The following TMTC2 variants were observed in gnomAD, a reference collection of about 807,000 sequenced individuals.
TMTC2 encodes transmembrane O-mannosyltransferase targeting cadherins 2.
Under a neutral mutation model 82.4 loss-of-function variants are expected in TMTC2, and 43 were observed. The observed-to-expected ratio is 0.52, with a 90% CI of 0.41 to 0.67. The LOEUF is 0.67. Among genes scored for constraint, TMTC2 ranks in the 30% least tolerant of loss-of-function variants. The probability of loss-of-function intolerance (pLI) is 0.00; values close to 1 mark genes in which losing one functional copy is unlikely to be tolerated. For missense variants in TMTC2, 919 were observed against 1,012.4 expected (o/e 0.91, Z 1.25); for synonymous variants, 408 against 381.9 (o/e 1.07, Z -0.80).
intron 1 of TMTC2, among the ~76,000 whole-genome samples, chr12:82,741,822 A>G (rs1875423782): frequency 6.6e-6 from 1 of 152,122 alleles, no homozygotes; most frequent in Non-Finnish European, 1.5e-5. Context: ...GACACTGGGT[A>G]GTGGGGAAGA....
chr12:82,979,418 A>G (rs1057080980), intron 7 of TMTC2, among the ~76,000 whole-genome samples: 13 of 151,736 alleles, frequency 8.6e-5, no homozygotes, highest in African/African-American at 1.7e-4. Context: ...ATGACAACTT[A>G]TCACTGAGAG....
intron 8 of TMTC2, among the ~76,000 whole-genome samples, chr12:82,988,501 G>C (rs575419127): frequency 6.6e-5 from 10 of 152,162 alleles, no homozygotes; most frequent in African/African-American, 2.4e-4. Context: ...CAAGGGAAAG[G>C]GGCCCTTAAG....
chr12:82,879,037 A>G (rs1872703922), intron 2 of TMTC2, among the ~76,000 whole-genome samples: 1 of 152,176 alleles, frequency 6.6e-6, no homozygotes. Context: ...TGCAAAATAA[A>G]CATTGAGGAG....
intron 10 of TMTC2, among the ~76,000 whole-genome samples, chr12:83,061,057 A>G (rs1459856654): frequency 1.3e-5 from 2 of 151,786 alleles, no homozygotes; most frequent in African/African-American, 2.4e-5. Context: ...AGTGAGATAT[A>G]CAAAAGCAGT....
chr12:83,133,996 TTA>T lies in TMTC2; in HGVS notation c.*1609_*1610del, dbSNP rs1885352561. 6.6e-6 allele frequency: 1 copy of T among 152,638 alleles called. No homozygotes were observed. The highest frequency in any genetic ancestry group is 2.1e-4 in the South Asian group (1 of 4,832). 9.5% of individuals were successfully genotyped at this position (152,638 alleles called of 1,614,324 possible). A position where few individuals can be genotyped will look rare whatever the true frequency, so the allele number is the denominator to read the frequency against. On this transcript the variant is annotated 3_prime_UTR_variant, in exon 12 of 12. Transcript: ENST00000321196. Reference sequence around the variant, plus strand: ...CATCATATTATGTTTTCTCCATATTTTATGTTTTTCTATGTATCTGAATACAG... The same window carrying T: ...CATCATATTATGTTTTCTCCATATTTTGTTTTTCTATGTATCTGAATACAG...
intron 8 of TMTC2, among the ~76,000 whole-genome samples, chr12:82,986,936 G>A (rs1346912500): frequency 6.6e-6 from 1 of 152,050 alleles, no homozygotes; most frequent in Non-Finnish European, 1.5e-5. Context: ...TCAAATATCT[G>A]TATTATTTTA....
chr12:82,690,588 A>G (rs1872531137), intron 1 of TMTC2, among the ~76,000 whole-genome samples: 1 of 152,248 alleles, frequency 6.6e-6, no homozygotes, highest in South Asian at 2.1e-4. Context: ...TTAATATTTT[A>G]CAAGTGTTTC....
chr12:82,831,670 T>C (rs1172315182), intron 1 of TMTC2, among the ~76,000 whole-genome samples: 3 of 151,974 alleles, frequency 2.0e-5, no homozygotes, highest in African/African-American at 7.3e-5. Context: ...AATCAGATTA[T>C]TGGTGGTGGT....
At chr12:82,725,519 G>A (rs1381328419) in intron 1 of TMTC2, among the ~76,000 whole-genome samples, 1 of 152,152 alleles carries the variant, frequency 6.6e-6, no homozygotes, top group Non-Finnish European at 1.5e-5. Flanking sequence ...TGTTAATGGT[G>A]CACACTATCA....
chr12:82,753,350 A>G (rs1048667382), intron 1 of TMTC2, among the ~76,000 whole-genome samples: 3 of 148,422 alleles, frequency 2.0e-5, no homozygotes, highest in African/African-American at 7.5e-5. Context: ...TTTGAGGAGA[A>G]GTTTTCTGGT....
intron 11 of TMTC2, among the ~76,000 whole-genome samples, chr12:83,100,457 A>T (rs1252369188): frequency 6.6e-6 from 1 of 152,236 alleles, no homozygotes; most frequent in African/African-American, 2.4e-5. Context: ...TAATTTTTCC[A>T]AAGTCACAGA....
At chr12:82,873,844 C>G (rs758793405) in intron 2 of TMTC2, among the ~76,000 whole-genome samples, 1 of 152,112 alleles carries the variant, frequency 6.6e-6, no homozygotes, top group Non-Finnish European at 1.5e-5. Context: ...CATTTTCAGA[C>G]AAACCAAACA....
intron 1 of TMTC2, among the ~76,000 whole-genome samples, chr12:82,693,055 A>T (rs953899818): frequency 3.9e-5 from 6 of 152,202 alleles, no homozygotes; most frequent in African/African-American, 1.4e-4. Context: ...CAACTACAGC[A>T]CTGCTTACCT....
intron 1 of TMTC2, among the ~76,000 whole-genome samples, chr12:82,831,129 C>T (rs1869723863): frequency 6.6e-6 from 1 of 152,126 alleles, no homozygotes. Flanking sequence ...TTTAACAAAA[C>T]CCAGGATATT....
chr12:83,012,281 A>T (rs938123918), intron 8 of TMTC2, among the ~76,000 whole-genome samples: 4 of 152,192 alleles, frequency 2.6e-5, no homozygotes, highest in Non-Finnish European at 5.9e-5. Context: ...TGAGAGAAGA[A>T]AAAAATAAAT....
chr12:83,083,272 G>A (rs1324243367), intron 11 of TMTC2, among the ~76,000 whole-genome samples: 3 of 152,156 alleles, frequency 2.0e-5, no homozygotes, highest in Non-Finnish European at 2.9e-5. Context: ...GGCATTATCT[G>A]TCTCTGGTTC....
At chr12:82,972,434 C>T (rs1878491888) in intron 7 of TMTC2, among the ~76,000 whole-genome samples, 1 of 151,950 alleles carries the variant, frequency 6.6e-6, no homozygotes, top group Non-Finnish European at 1.5e-5. Context: ...TAAAGAGGAA[C>T]ATTTTGATTT....
At chr12:83,093,002 T>TA (rs1883894404) in intron 11 of TMTC2, among the ~76,000 whole-genome samples, 2 of 152,210 alleles carry the variant, frequency 1.3e-5, no homozygotes, top group African/African-American at 4.8e-5. Flanking sequence ...GTCAAAGGGC[T>TA]CGCTCTCCAA....
chr12:82,845,312 C>A (rs533523993), intron 1 of TMTC2, among the ~76,000 whole-genome samples: 2 of 135,548 alleles, frequency 1.5e-5, no homozygotes. Flanking sequence ...ACAAATACCA[C>A]AAATCCTCAA....
Sources: allele counts gnomAD v4.1 joint callset (sites outside exome capture counted in the v4.1 genomes callset), GRCh38; gene constraint gnomAD v4.1.1; transcripts MANE v1.5; gene names NCBI Gene and HGNC (gene_info 2026-07-23, HGNC 2026-07-21).